The following HPS3 variants were observed in gnomAD, a reference collection of about 807,000 sequenced individuals.
HPS3 encodes BLOC-2 complex member HPS3.
A neutral mutation model predicts 110.9 loss-of-function variants in HPS3; 79 were observed. The observed-to-expected ratio is 0.71, with a 90% CI of 0.59 to 0.86. The LOEUF (loss-of-function observed/expected upper bound fraction) is 0.86. Ranked by LOEUF, HPS3 falls within the 40% of genes least tolerant of loss-of-function variation. The pLI, the probability that HPS3 is intolerant of heterozygous loss-of-function variation, is 0.00. For missense variants in HPS3, 1,197 were observed against 1,206.2 expected (o/e 0.99, Z 0.11); for synonymous variants, 428 against 451.0 (o/e 0.95, Z 0.65).
intron 5 of HPS3, among the ~76,000 whole-genome samples, chr3:149,150,290 T>A (rs982763588): frequency 1.3e-5 from 2 of 152,172 alleles, no homozygotes; most frequent in Non-Finnish European, 2.9e-5. Context: ...CCCAGATCCA[T>A]GGTTCCTAAC....
At chr3:149,141,428 C>T in intron 4 of HPS3, 48 bp downstream of exon 4, 1 of 1,482,088 alleles carries the variant, frequency 6.7e-7, no homozygotes, top group African/African-American at 1.4e-5. Context: ...GGTGAAAATG[C>T]TCTGTCTGGG....
At position 149,150,902 on chromosome 3, in the gene HPS3, G is replaced by C. The variant is rs144539929; in HGVS notation, c.1245+222G>C. Among the ~76,000 whole-genome samples the C allele has an allele frequency of 7.2e-5, 11 of 152,264 alleles. No individual in the cohort carries two copies. In the East Asian group the frequency reaches 1.7e-3, roughly 24 times the overall value. Reference sequence around the variant, plus strand: ...CTTTGCAAACATTTCACTCCGAATTGATTTAGTGCATAGTTTTTAAAGTTT... The same window carrying C: ...CTTTGCAAACATTTCACTCCGAATTCATTTAGTGCATAGTTTTTAAAGTTT... On this transcript the variant is annotated intron_variant, in intron 6 of 16. Transcript: ENST00000296051.
At chr3:149,162,899 C>T (rs899693682) in intron 13 of HPS3, 21 bp downstream of exon 13, 3 of 1,594,142 alleles carry the variant, frequency 1.9e-6, no homozygotes, top group Non-Finnish European at 1.7e-6. Context: ...GGAATAATAC[C>T]TTAAATTTAA....
chr3:149,131,122 T>TAAAAA (rs57667789), intron 1 of HPS3, among the ~76,000 whole-genome samples: 1 of 138,736 alleles, frequency 7.2e-6, no homozygotes, highest in Admixed American at 7.1e-5. Flanking sequence ...GAGTTTATGT[T>TAAAAA]AAAAAAAAAA....
At chr3:149,157,652 T>A in intron 9 of HPS3, 121 bp downstream of exon 9, 1 of 889,326 alleles carries the variant, frequency 1.1e-6, no homozygotes. Context: ...TATTCCCTTC[T>A]TCCACAAGCA....
chr3:149,131,210 G>T (rs1721750216), intron 1 of HPS3, among the ~76,000 whole-genome samples: 3 of 151,964 alleles, frequency 2.0e-5, no homozygotes, highest in Admixed American at 2.0e-4. Flanking sequence ...AAAACTGTGG[G>T]GTTACCATAC....
chr3:149,144,660 AT>A (rs2108136863), intron 4 of HPS3, among the ~76,000 whole-genome samples: 1 of 152,280 alleles, frequency 6.6e-6, no homozygotes, highest in South Asian at 2.1e-4. Flanking sequence ...CTTACGTGTC[AT>A]TTAACATGTT....
At position 149,172,350 on chromosome 3, in the gene HPS3, A is replaced by G. The variant is rs73019023; in HGVS notation, c.*128A>G. On this transcript the variant is annotated 3_prime_UTR_variant, in exon 17 of 17. Coordinates refer to ENST00000296051, the MANE Select transcript of HPS3 (RefSeq NM_032383.5). ...CACACACACACACACACACACACAC[A>G]CACACATATATGATACAAATGCTTT... is the stretch of plus-strand genomic sequence containing the variant. 62,271 of 697,488 alleles carry G rather than the reference A, an allele frequency of 0.089. 3,440 individuals are homozygous for G. The highest frequency in any genetic ancestry group is 0.17 in the African/African-American group (9,488 of 55,842). The allele number at this position is 697,488 out of a possible 1,614,324, so 43.2% of individuals were successfully genotyped here.
intron 11 of HPS3, 23 bp from the exon 12 acceptor site, chr3:149,162,125 C>G: frequency 6.2e-7 from 1 of 1,603,308 alleles, no homozygotes; most frequent in African/African-American, 1.3e-5. Context: ...CCTTTTGTTC[C>G]TAAATTTCTT....
chr3:149,167,291 T>C (rs1484692671), intron 15 of HPS3, 51 bp downstream of exon 15: 2 of 1,394,170 alleles, frequency 1.4e-6, no homozygotes, highest in Admixed American at 1.9e-5. Context: ...TAATCAGATC[T>C]GATAACCTCA....
At chr3:149,139,592 GAGAGGGTTTGA>G (rs1378948639) in intron 1 of HPS3, among the ~76,000 whole-genome samples, 2 of 152,194 alleles carry the variant, frequency 1.3e-5, no homozygotes, top group Non-Finnish European at 2.9e-5. Flanking sequence ...TTGTGGGAAG[GAGAGGGTTTGA>G]AATGTAAATT....
At position 149,153,564 on chromosome 3, in the gene HPS3, G is replaced by C; in HGVS notation, c.1316G>C (p.Cys439Ser). 1 of 1,614,028 alleles carries C rather than the reference G, an allele frequency of 6.2e-7. No homozygotes were observed. The highest frequency in any genetic ancestry group is 8.5e-7 in the Non-Finnish European group (1 of 1,179,884). The change falls in exon 7 of 17, where the codon TGT becomes TCT. Residue 439 changes from cysteine to serine, a missense_variant. Coordinates refer to ENST00000296051, the MANE Select transcript of HPS3 (RefSeq NM_032383.5). Reference protein sequence around the residue: ...IQLFIGLKAICHFKNHIILLT... With the variant: ...IQLFIGLKAISHFKNHIILLT... ...CTTTTCATAGGCTTGAAAGCCATCT[G>C]TCACTTTAAAAACCACATCATACTT...
chr3:149,132,177 G>A (rs1241587495), intron 1 of HPS3, among the ~76,000 whole-genome samples: 1 of 152,212 alleles, frequency 6.6e-6, no homozygotes, highest in Non-Finnish European at 1.5e-5. Context: ...ATGAGTTTAT[G>A]GAGGCAGCTG....
rs1724483478 is a variant in HPS3, at chr3:149,166,922, TTC to T, written c.2590-110_2590-109del. ...TGCATGTGCTCTAATATGGCATTCT[TTC>T]TATTTTATTTTTGGCAAGTGAGGTT... On this transcript the variant is annotated intron_variant, in intron 14 of 16. Coordinates refer to ENST00000296051, the MANE Select transcript of HPS3 (RefSeq NM_032383.5). 29 of 823,178 alleles carry T rather than the reference TTC, an allele frequency of 3.5e-5. No homozygotes were observed. In the South Asian group the frequency reaches 3.8e-4, roughly 11 times the overall value. The allele number at this position is 823,178 out of a possible 1,614,324, so 51.0% of individuals were successfully genotyped here. A position where few individuals can be genotyped will look rare whatever the true frequency, so the allele number is the denominator to read the frequency against.
Position 149,166,974 on chromosome 3 carries a change from A to G in HPS3, c.2590-60A>G. 2.4e-6 allele frequency: 3 copies of G among 1,265,882 alleles called. No individual in the cohort carries two copies. In the Admixed American group the frequency reaches 5.0e-5, roughly 21 times the overall value. The allele number at this position is 1,265,882 out of a possible 1,614,324, so 78.4% of individuals were successfully genotyped here. A position where few individuals can be genotyped will look rare whatever the true frequency, so the allele number is the denominator to read the frequency against. ...TTAGTCTTAAGAAATTGAATTCTGC[A>G]TGTTGTGTTTTAGTTTTTGAGGTGC... On this transcript the variant is annotated intron_variant, in intron 14 of 16. Transcript: ENST00000296051.
At chr3:149,170,491 T>C (rs1337264269) in intron 16 of HPS3, 1 of 152,218 alleles carries the variant, frequency 6.6e-6, no homozygotes, top group Non-Finnish European at 1.5e-5. Context: ...ACGGGAACTG[T>C]GGAAGCTAGC....
chr3:149,149,349 C>T (rs1722969827), intron 5 of HPS3, among the ~76,000 whole-genome samples: 2 of 152,150 alleles, frequency 1.3e-5, no homozygotes, highest in Admixed American at 1.3e-4. Context: ...GGTCCCACTG[C>T]AGGTGCTTTT....
chr3:149,169,208 A>G (rs992265276), intron 16 of HPS3, among the ~76,000 whole-genome samples: 1 of 152,094 alleles, frequency 6.6e-6, no homozygotes, highest in African/African-American at 2.4e-5. Flanking sequence ...GTAACTGTTC[A>G]TTGATTAGAA....
At chr3:149,164,953 G>T (rs1049904276) in intron 14 of HPS3, among the ~76,000 whole-genome samples, 8 of 152,118 alleles carry the variant, frequency 5.3e-5, no homozygotes, top group South Asian at 2.1e-4. Context: ...GTTACTTAGT[G>T]TCAAATTGGG....
Sources: allele counts gnomAD v4.1 joint callset (sites outside exome capture counted in the v4.1 genomes callset), GRCh38; gene constraint gnomAD v4.1.1; transcripts MANE v1.5; gene names NCBI Gene and HGNC (gene_info 2026-07-23, HGNC 2026-07-21).